Variants in AACS observed in about 807,000 individuals in gnomAD.
AACS encodes the protein acetoacetate-CoA ligase.
AACS carries 69 observed loss-of-function variants against 83.1 expected under a neutral mutation model. That is an observed-to-expected ratio of 0.83 (90% CI 0.68 to 1.01). The LOEUF (loss-of-function observed/expected upper bound fraction) is 1.01. Among genes scored for constraint, AACS ranks in the 50% least tolerant of loss-of-function variants. The probability of loss-of-function intolerance (pLI) is 0.00; values close to 1 mark genes in which losing one functional copy is unlikely to be tolerated. For missense variants in AACS, 866 were observed against 882.2 expected, an observed-to-expected ratio of 0.98 and a Z score of 0.23; for synonymous variants, 333 against 343.4, an observed-to-expected ratio of 0.97 and a Z score of 0.33.
intron 5 of AACS, chr12:125,102,336 C>T: frequency 4.2e-6 from 1 of 236,808 alleles, no homozygotes; most frequent in Non-Finnish European, 8.4e-6. Flanking sequence ...AGGTGTGAGC[C>T]AGCGCGCCCG....
rs1436473414 is a variant in AACS, at chr12:125,130,538, C to G, written c.1549+1078C>G. Among the ~76,000 whole-genome samples, 2 of 152,246 alleles carry G rather than the reference C, an allele frequency of 1.3e-5. No homozygotes were observed. ...AGGATCCATCCAAGAAATGATGGCC[C>G]TTCATCTTCTGTAACATTGCTCTTT... On this transcript the variant is annotated intron_variant, in intron 14 of 17. Transcript: ENST00000316519. This position sits in a 1 kb window ranked among gnomAD's most constrained non-coding sequence, Gnocchi z 4.9.
At chr12:125,102,484 A>T in intron 5 of AACS, 195 bp from the exon 6 acceptor site, 4 of 534,540 alleles carry the variant, frequency 7.5e-6, no homozygotes, top group Non-Finnish European at 3.4e-6. Context: ...TTTTTTTTTT[A>T]GAGACAGGGT....
chr12:125,065,470 A>G lies in AACS; in HGVS notation c.-115A>G. On this transcript the variant is annotated 5_prime_UTR_variant, in exon 1 of 18. Transcript: ENST00000316519. Reference sequence around the variant, plus strand: ...TCCCCGCCGCCGCCGTCGCTGACCCAGCCCGCCAGGCGCTCCTGACCGTCG... The same window carrying G: ...TCCCCGCCGCCGCCGTCGCTGACCCGGCCCGCCAGGCGCTCCTGACCGTCG... 2 of 1,177,374 alleles carry G rather than the reference A, an allele frequency of 1.7e-6. No homozygotes were observed. Among genetic ancestry groups the G allele is most frequent in the Non-Finnish European group, 2.2e-6 (2 of 902,936 alleles). The allele number at this position is 1,177,374 out of a possible 1,614,324, so 72.9% of individuals were successfully genotyped here.
At chr12:125,079,226 A>AG (rs1223625453) in intron 3 of AACS, among the ~76,000 whole-genome samples, 1 of 152,144 alleles carries the variant, frequency 6.6e-6, no homozygotes, top group Non-Finnish European at 1.5e-5. Context: ...TGGTGAGTCC[A>AG]GGAGTGTGGG....
rs1957288678 is a variant in AACS, at chr12:125,129,046, T to G, written c.1424-289T>G. Reference sequence around the variant, plus strand: ...TTCAAAGGCATGCAGAGTGACGACATATGCTATTCAAGGATGCGTGTGGAT... The same window carrying G: ...TTCAAAGGCATGCAGAGTGACGACAGATGCTATTCAAGGATGCGTGTGGAT... On this transcript the variant is annotated intron_variant, in intron 13 of 17. Coordinates refer to ENST00000316519, the MANE Select transcript of AACS (RefSeq NM_023928.5). This position sits in a 1 kb window ranked among gnomAD's most constrained non-coding sequence, Gnocchi z 4.3. The G allele has an allele frequency of 3.8e-6, 1 of 263,084 alleles. No individual in the cohort carries two copies. Among genetic ancestry groups the G allele is most frequent in the African/African-American group, 2.3e-5 (1 of 44,304 alleles). The allele number at this position is 263,084 out of a possible 1,614,324, so 16.3% of individuals were successfully genotyped here.
At chr12:125,093,473 C>T (rs1956535070) in intron 5 of AACS, among the ~76,000 whole-genome samples, 1 of 152,246 alleles carries the variant, frequency 6.6e-6, no homozygotes, top group South Asian at 2.1e-4. Context: ...AGGATCTGCC[C>T]ATCCTGGAAG....
intron 3 of AACS, among the ~76,000 whole-genome samples, chr12:125,085,569 T>C (rs1454715992): frequency 3.9e-5 from 6 of 152,294 alleles, no homozygotes; most frequent in East Asian, 3.9e-4. Flanking sequence ...ATCACGCACA[T>C]GCACGTCGCA....
chr12:125,081,023 C>T lies in AACS; in HGVS notation c.358+4412C>T, dbSNP rs1413082490. On this transcript the variant is annotated intron_variant, in intron 3 of 17. Transcript: ENST00000316519. The stretch of plus-strand genomic sequence containing the variant: ...TTTATTTTATTTTGAGATGGAGTCT[C>T]GTTCTGTCACCCAGGCTGGAGTGCA... Among the ~76,000 whole-genome samples the T allele has an allele frequency of 5.2e-5, 7 of 133,918 alleles. No individual in the cohort carries two copies. In the East Asian group the frequency reaches 1.2e-3, roughly 22 times the overall value. 87.9% of individuals were successfully genotyped at this position (133,918 alleles called of 152,430 possible).
intron 6 of AACS, 45 bp from the exon 7 acceptor site, chr12:125,102,955 A>G (rs755304461): frequency 3.2e-6 from 5 of 1,553,078 alleles, no homozygotes; most frequent in African/African-American, 1.4e-5. Flanking sequence ...GCAGCCAAGC[A>G]TCTTTGTCCT....
rs1037024845 is a variant in AACS, at chr12:125,134,145, G to T, written c.1619+73G>T. ...GAGGCATGGGGGTGGGAGAGGAGGTGCTTTCTATAAAAGTCAGTGACCCCC... is the reference window on the plus strand; with the variant it reads ...GAGGCATGGGGGTGGGAGAGGAGGTTCTTTCTATAAAAGTCAGTGACCCCC... On this transcript the variant is annotated intron_variant, in intron 15 of 17. Coordinates refer to ENST00000316519, the MANE Select transcript of AACS (RefSeq NM_023928.5). The T allele has an allele frequency of 4.6e-6, 7 of 1,528,932 alleles. No homozygotes were observed. The African/African-American group carries it at 9.6e-5, about 21-fold the overall frequency. The allele number at this position is 1,528,932 out of a possible 1,614,324, so 94.7% of individuals were successfully genotyped here. A position where few individuals can be genotyped will look rare whatever the true frequency, so the allele number is the denominator to read the frequency against.
At chr12:125,069,154 T>C (rs975335559) in intron 1 of AACS, among the ~76,000 whole-genome samples, 82 of 152,316 alleles carry the variant, frequency 5.4e-4, no homozygotes, top group African/African-American at 1.9e-3. Flanking sequence ...AGCATTCTTA[T>C]TGCTTAAAGA....
intron 1 of AACS, among the ~76,000 whole-genome samples, chr12:125,071,644 G>A (rs1483877053): frequency 1.3e-4 from 20 of 152,164 alleles, no homozygotes; most frequent in Admixed American, 1.3e-3. Context: ...GAGCGTGGGA[G>A]CAGAAGAGTG....
intron 3 of AACS, chr12:125,078,345 A>G (rs1316194760): frequency 4.4e-6 from 2 of 456,096 alleles, no homozygotes; most frequent in East Asian, 1.4e-4. Context: ...CCATGGAGCA[A>G]CGTCTCGACG....
intron 6 of AACS, 38 bp downstream of exon 6, chr12:125,102,831 G>A (rs766344217): frequency 1.9e-6 from 3 of 1,575,254 alleles, no homozygotes; most frequent in South Asian, 1.1e-5. Flanking sequence ...GCATGGCTGG[G>A]TGTGTGTGTG....
chr12:125,129,671 T>C lies in AACS; in HGVS notation c.1549+211T>C, dbSNP rs928233889. Among the ~76,000 whole-genome samples the C allele has an allele frequency of 6.6e-6, 1 of 152,146 alleles. No homozygotes were observed. The highest frequency in any genetic ancestry group is 1.9e-4 in the East Asian group (1 of 5,182). The stretch of plus-strand genomic sequence containing the variant: ...TTGAAGCTATCGTGTGCAACTGCAA[T>C]CTGGTTTAGTTGAATCTCAGCCACC... On this transcript the variant is annotated intron_variant, in intron 14 of 17. Transcript: ENST00000316519. This position sits in a 1 kb window ranked among gnomAD's most constrained non-coding sequence, Gnocchi z 4.3.
chr12:125,136,993 C>T (rs1957411223), intron 17 of AACS, 129 bp downstream of exon 17: 1 of 861,736 alleles, frequency 1.2e-6, no homozygotes. Flanking sequence ...CTAGCAACGC[C>T]ATCCTCTCCC....
intron 4 of AACS, among the ~76,000 whole-genome samples, chr12:125,087,530 G>A (rs961037418): frequency 1.3e-5 from 2 of 152,202 alleles, no homozygotes; most frequent in Non-Finnish European, 2.9e-5. Context: ...TGGTGGTTGG[G>A]GCTCCCGACC....
chr12:125,110,481 TG>T (rs919993856), intron 8 of AACS, among the ~76,000 whole-genome samples: 15 of 152,226 alleles, frequency 9.9e-5, no homozygotes, highest in African/African-American at 3.6e-4. Context: ...AGACTTCTCC[TG>T]GGCCGGTCTG....
In AACS at chr12:125,097,652, G is replaced by C. The variant is rs7488585; in HGVS notation, c.571-5027G>C. The stretch of plus-strand genomic sequence containing the variant: ...GAGGAAGACCCCTCCTTCCTGTCAT[G>C]ACTGTGCATCCTGAGAGCACTTCAG... On this transcript the variant is annotated intron_variant, in intron 5 of 17. Coordinates refer to ENST00000316519, the MANE Select transcript of AACS (RefSeq NM_023928.5). The surrounding 1 kb of genome is among the most constrained non-coding windows in gnomAD (Gnocchi z 4.3). Among the ~76,000 whole-genome samples, 1 of 152,202 alleles carries C rather than the reference G, an allele frequency of 6.6e-6. No individual in the cohort carries two copies. The highest frequency in any genetic ancestry group is 1.9e-4 in the East Asian group (1 of 5,142).
Sources: allele counts gnomAD v4.1 joint callset (sites outside exome capture counted in the v4.1 genomes callset), GRCh38; gene constraint gnomAD v4.1.1; non-coding constraint Gnocchi (gnomAD v3.1); transcripts MANE v1.5; gene names NCBI Gene and HGNC (gene_info 2026-07-23, HGNC 2026-07-21).